Variants in NEK6 observed in about 807,000 individuals in gnomAD.
NEK6 encodes serine/threonine-protein kinase Nek6.
NEK6 carries 27 observed loss-of-function variants against 43.5 expected under a neutral mutation model. The observed-to-expected ratio is 0.62, with a 90% CI of 0.46 to 0.86. NEK6 has a LOEUF of 0.86. Among genes scored for constraint, NEK6 ranks in the 40% least tolerant of loss-of-function variants. NEK6 has a pLI of 0.00. For synonymous variants in NEK6, 167 were observed against 164.1 expected, an observed-to-expected ratio of 1.02 and a Z score of -0.14; for missense variants, 318 against 414.4, an observed-to-expected ratio of 0.77 and a Z score of 2.02.
chr9:124,282,138 A>G (rs1831940833), intron 1 of NEK6, among the ~76,000 whole-genome samples: 1 of 152,190 alleles, frequency 6.6e-6, no homozygotes, highest in African/African-American at 2.4e-5. Flanking sequence ...TCTCTTGGAG[A>G]ATCCTGGAGG....
chr9:124,345,585 A>G (rs1039268692), intron 8 of NEK6, among the ~76,000 whole-genome samples: 7 of 152,190 alleles, frequency 4.6e-5, no homozygotes, highest in Admixed American at 2.6e-4. Flanking sequence ...AGCGAGGTTT[A>G]TAAAATTGAG....
At chr9:124,341,423 AG>A (rs1829620215) in intron 8 of NEK6, among the ~76,000 whole-genome samples, 2 of 150,366 alleles carry the variant, frequency 1.3e-5, no homozygotes, top group South Asian at 4.2e-4. Flanking sequence ...CAGCAGATGC[AG>A]GTGACAAGAG....
rs200895433 is a variant in NEK6, at chr9:124,339,662, C to A, written c.714C>A (p.Tyr238Ter). ...SDIWSLGCLL[Y>*]EMAALQSPFY... ...TCTGGTCCCTGGGCTGTCTGCTGTA[C>A]GAGGTGAGTCTCTGTCCGTGGCTCA... is the stretch of plus-strand genomic sequence containing the variant. The change falls in exon 8 of 10, where the codon TAC becomes TAA. Residue 238 changes from tyrosine to a stop codon, truncating the protein, a stop_gained. Transcript: ENST00000320246. LOFTEE classifies it high-confidence loss of function. 6.2e-7 allele frequency: 1 copy of A among 1,610,202 alleles called. No individual in the cohort carries two copies. The highest frequency in any genetic ancestry group is 8.5e-7 in the Non-Finnish European group (1 of 1,176,394).
chr9:124,279,300 CTTTTTTTTTT>C (rs1165676719), intron 1 of NEK6, among the ~76,000 whole-genome samples: 1 of 138,182 alleles, frequency 7.2e-6, no homozygotes, highest in African/African-American at 2.7e-5. Context: ...TTTCTCTTCC[CTTTTTTTTTT>C]TTTTTTTTTG....
At chr9:124,339,369 C>A (rs1829467055) in intron 7 of NEK6, among the ~76,000 whole-genome samples, 1 of 151,932 alleles carries the variant, frequency 6.6e-6, no homozygotes, top group African/African-American at 2.4e-5. Flanking sequence ...TGTTTAGTGC[C>A]CTGCTAGCAT....
chr9:124,322,786 CTT>C, intron 5 of NEK6, among the ~76,000 whole-genome samples: 1 of 152,384 alleles, frequency 6.6e-6, no homozygotes, highest in Middle Eastern at 3.4e-3. Context: ...GGTTCTCTGT[CTT>C]TCCCATCAGG....
intron 2 of NEK6, among the ~76,000 whole-genome samples, chr9:124,307,529 C>G (rs952692866): frequency 6.6e-6 from 1 of 152,226 alleles, no homozygotes; most frequent in Non-Finnish European, 1.5e-5. Flanking sequence ...GGCCTTCTCC[C>G]TCGTGCCCAC....
chr9:124,279,105 G>A (rs1377077131), intron 1 of NEK6, among the ~76,000 whole-genome samples: 2 of 152,094 alleles, frequency 1.3e-5, no homozygotes, highest in African/African-American at 2.4e-5. Context: ...AGGATGGGGG[G>A]CTTCAACCTG....
At chr9:124,320,355 G>C (rs1834006351) in intron 4 of NEK6, among the ~76,000 whole-genome samples, 1 of 152,232 alleles carries the variant, frequency 6.6e-6, no homozygotes, top group Non-Finnish European at 1.5e-5. Context: ...CTTGGGGAAT[G>C]AATGAATGAA....
intron 1 of NEK6, among the ~76,000 whole-genome samples, chr9:124,279,877 G>A (rs961650284): frequency 1.3e-5 from 2 of 152,218 alleles, no homozygotes; most frequent in Non-Finnish European, 2.9e-5. Flanking sequence ...CTGTGGGAGG[G>A]GAAGGCCTTC....
At chr9:124,327,501 G>A in intron 7 of NEK6, 56 bp downstream of exon 7, 1 of 1,347,892 alleles carries the variant, frequency 7.4e-7, no homozygotes, top group South Asian at 1.2e-5. Context: ...TGACCATGCA[G>A]GGAGACGCAA....
intron 1 of NEK6, chr9:124,261,269 G>C (rs1390471138): frequency 2.6e-6 from 1 of 389,458 alleles, no homozygotes; most frequent in African/African-American, 2.2e-5. Flanking sequence ...GGAGAGAAAG[G>C]GCTGCTGTTC....
chr9:124,282,393 A>G (rs1831954807), intron 1 of NEK6, among the ~76,000 whole-genome samples: 1 of 152,026 alleles, frequency 6.6e-6, no homozygotes, highest in Non-Finnish European at 1.5e-5. Context: ...AATTTGGGCC[A>G]CCCTAATCCC....
chr9:124,258,240 C>T, intron 1 of NEK6, 155 bp downstream of exon 1: 1 of 982,570 alleles, frequency 1.0e-6, no homozygotes, highest in Non-Finnish European at 1.2e-6. Flanking sequence ...CGAGTGTGGC[C>T]GCGCGGGGCT....
At chr9:124,321,055 G>A (rs1328451874) in intron 4 of NEK6, among the ~76,000 whole-genome samples, 1 of 152,246 alleles carries the variant, frequency 6.6e-6, no homozygotes, top group African/African-American at 2.4e-5. Flanking sequence ...CTGGGCACAG[G>A]GACAGAGAGG....
At chr9:124,315,106 C>T (rs1440947685) in intron 4 of NEK6, among the ~76,000 whole-genome samples, 1 of 152,240 alleles carries the variant, frequency 6.6e-6, no homozygotes, top group East Asian at 1.9e-4. Flanking sequence ...GGCCTTGGCC[C>T]TGCTCTTGGG....
rs1408460479 is a variant in NEK6, at chr9:124,324,273, C to T, written c.406-2057C>T. 2.0e-5 allele frequency among the ~76,000 whole-genome samples: 3 copies of T among 152,194 alleles called. No individual in the cohort carries two copies. The highest frequency in any genetic ancestry group is 4.4e-5 in the Non-Finnish European group (3 of 68,024). ...AGCTCGGTTCCCCTGGTTCTGCCTG[C>T]TCTCAGGCCACCTCTGGGTTTCCAG... On this transcript the variant is annotated intron_variant, in intron 5 of 9. Transcript: ENST00000320246. This position sits in a 1 kb window ranked among gnomAD's most constrained non-coding sequence, Gnocchi z 5.3.
At chr9:124,325,261 C>T (rs1834277735) in intron 5 of NEK6, among the ~76,000 whole-genome samples, 1 of 152,168 alleles carries the variant, frequency 6.6e-6, no homozygotes, top group African/African-American at 2.4e-5. Context: ...TTCTACGTGG[C>T]CCTCAGTTTC....
intron 7 of NEK6, among the ~76,000 whole-genome samples, chr9:124,329,358 A>G (rs1433979940): frequency 1.3e-5 from 2 of 152,246 alleles, no homozygotes; most frequent in Non-Finnish European, 1.5e-5. Flanking sequence ...CCACTGCAGA[A>G]AAAAGACTGT....
Sources: gnomAD v4.1 joint callset for allele counts (sites outside exome capture counted in the v4.1 genomes callset) on GRCh38, gnomAD v4.1.1 for gene constraint, Gnocchi (gnomAD v3.1) non-coding constraint, MANE v1.5 for transcripts, NCBI Gene and HGNC (gene_info 2026-07-23, HGNC 2026-07-21) for gene names.